TCF20: variants seen among roughly 807,000 people sequenced by gnomAD.
TCF20 encodes the protein SPRE-binding protein.
In TCF20, 3 loss-of-function variants were observed where a neutral mutation model predicts 148.6. The ratio of observed to expected loss-of-function variants is 0.02; its 90% CI spans 0.01 to 0.05. TCF20 has a LOEUF of 0.05. Ranked by LOEUF, TCF20 falls within the 10% of genes least tolerant of loss-of-function variation. The pLI is 1.00. For synonymous variants in TCF20, 1,049 were observed against 909.5 expected, an observed-to-expected ratio of 1.15 and a Z score of -2.76; for missense variants, 2,350 against 2,429.3, an observed-to-expected ratio of 0.97 and a Z score of 0.69.
chr22:42,272,274 G>A (rs1940832625), upstream of TCF20, among the ~76,000 whole-genome samples: 1 of 152,204 alleles, frequency 6.6e-6, no homozygotes, highest in South Asian at 2.1e-4. Context: ...TGGGATCAGG[G>A]CTGTAAAGGG....
chr22:42,328,895 C>T (rs1354257378), intron 1 of TCF20, among the ~76,000 whole-genome samples: 1 of 152,226 alleles, frequency 6.6e-6, no homozygotes, highest in Non-Finnish European at 1.5e-5. Context: ...CCACAAGCAT[C>T]CTGGTGCTCT....
At chr22:42,194,620 T>C (rs1013771020) in intron 2 of TCF20, among the ~76,000 whole-genome samples, 4 of 151,492 alleles carry the variant, frequency 2.6e-5, no homozygotes, top group Admixed American at 6.6e-5. Context: ...GGGGTAGCGG[T>C]AGATGGTGTT....
chr22:42,177,927 TG>T (rs753045414), intron 3 of TCF20, among the ~76,000 whole-genome samples: 1 of 152,114 alleles, frequency 6.6e-6, no homozygotes, highest in Non-Finnish European at 1.5e-5. Flanking sequence ...GGTTCCTGGA[TG>T]GGGGCTGGGC....
intron 2 of TCF20, among the ~76,000 whole-genome samples, chr22:42,194,938 C>G (rs1937517285): frequency 1.3e-5 from 2 of 151,614 alleles, no homozygotes; most frequent in South Asian, 4.2e-4. Flanking sequence ...GACCATGCCT[C>G]CCAGCACTTA....
chr22:42,333,138 T>C (rs772939789), intron 1 of TCF20, among the ~76,000 whole-genome samples: 1 of 152,296 alleles, frequency 6.6e-6, no homozygotes, highest in South Asian at 2.1e-4. Flanking sequence ...CAAAATGCAA[T>C]GGCAGGAGCT....
chr22:42,199,952 G>C (rs1173483606), intron 2 of TCF20, among the ~76,000 whole-genome samples: 1 of 83,656 alleles, frequency 1.2e-5, no homozygotes, highest in African/African-American at 5.6e-5. Flanking sequence ...TATCTTTTTG[G>C]GATTCTCTGG....
chr22:42,191,709 C>T (rs575105348), intron 2 of TCF20, among the ~76,000 whole-genome samples: 19 of 152,146 alleles, frequency 1.2e-4, no homozygotes, highest in Non-Finnish European at 2.4e-4. Context: ...TTTTGTCTAA[C>T]GGAGTTTTTC....
Position 42,214,142 on chromosome 22 carries a change from A to T in TCF20, c.1164T>A (p.Pro388=), listed in dbSNP as rs1336438116. 2 of 1,614,152 alleles carry T rather than the reference A, an allele frequency of 1.2e-6. No individual in the cohort carries two copies. Among genetic ancestry groups the T allele is most frequent in the Non-Finnish European group, 1.7e-6 (2 of 1,180,028 alleles). The change falls in exon 2 of 6, where the codon CCT becomes CCA. Residue 388 remains proline (P), a synonymous_variant. Coordinates refer to ENST00000677622, the MANE Select transcript of TCF20 (RefSeq NM_001378418.1). ...GGAGATTCTCCCCAGTCTGCATGAG[A>T]GGAGATGGGGTAGAACTACAGCTTG... The part of the protein sequence containing the change: ...QSPSCSSTPS[P]LMQTGENLQC...
intron 1 of TCF20, among the ~76,000 whole-genome samples, chr22:42,342,969 C>T (rs1928194210): frequency 6.6e-6 from 1 of 152,210 alleles, no homozygotes; most frequent in African/African-American, 2.4e-5. Flanking sequence ...CCAAAGCACA[C>T]ACTCTTAAGG....
chr22:42,217,455 CAA>C (rs1921927865), intron 1 of TCF20, among the ~76,000 whole-genome samples: 3 of 152,198 alleles, frequency 2.0e-5, no homozygotes, highest in Admixed American at 2.0e-4. Flanking sequence ...ATACTTACTC[CAA>C]ACAGACACAT....
intron 2 of TCF20, among the ~76,000 whole-genome samples, chr22:42,207,373 C>T (rs1337507165): frequency 1.3e-5 from 2 of 150,134 alleles, no homozygotes; most frequent in Non-Finnish European, 3.0e-5. Context: ...GTTTTTTTTT[C>T]CTCTGGGAAA....
intron 2 of TCF20, among the ~76,000 whole-genome samples, chr22:42,201,542 C>T (rs541240701): frequency 5.3e-5 from 8 of 152,168 alleles, no homozygotes; most frequent in African/African-American, 1.4e-4. Flanking sequence ...CTGAGGCAGA[C>T]GGATCAGTTG....
intron 3 of TCF20, among the ~76,000 whole-genome samples, chr22:42,174,841 C>A (rs953225843): frequency 6.6e-6 from 1 of 152,036 alleles, no homozygotes; most frequent in African/African-American, 2.4e-5. Flanking sequence ...CGAGACCATC[C>A]CGGCTAACAC....
At position 42,300,491 on chromosome 22, in the gene TCF20, G is replaced by A. The variant is rs1050040829; in HGVS notation, c.-37+42988C>T. On this transcript the variant is annotated intron_variant, in intron 1 of 1. Coordinates refer to the TCF20 transcript ENST00000515426. The stretch of plus-strand genomic sequence containing the variant: ...CCCACTTCTGATGGTGGGCAGCAAC[G>A]CTTTTGTTTCCCAGGGGGCACTGAG... 3.3e-5 allele frequency among the ~76,000 whole-genome samples: 5 copies of A among 152,168 alleles called. No homozygotes were observed. The East Asian group carries it at 7.7e-4, about 23-fold the overall frequency.
At chr22:42,199,500 T>C (rs1937838365) in intron 2 of TCF20, among the ~76,000 whole-genome samples, 1 of 152,050 alleles carries the variant, frequency 6.6e-6, no homozygotes. Context: ...ATGTTTGACA[T>C]GTGCTCTTTC....
chr22:42,164,302 C>T (rs1303266112), intron 5 of TCF20, among the ~76,000 whole-genome samples: 1 of 148,474 alleles, frequency 6.7e-6, no homozygotes, highest in Non-Finnish European at 1.5e-5. Context: ...GCAAGCTCCA[C>T]GTCCCGGGTT....
intron 1 of TCF20, among the ~76,000 whole-genome samples, chr22:42,246,914 C>T (rs1194218206): frequency 2.7e-5 from 4 of 148,738 alleles, no homozygotes; most frequent in African/African-American, 7.5e-5. Flanking sequence ...TGCAGTGAGC[C>T]GAGATTGCGC....
At chr22:42,179,070 G>A (rs569960323) in intron 3 of TCF20, among the ~76,000 whole-genome samples, 3 of 150,168 alleles carry the variant, frequency 2.0e-5, no homozygotes, top group Non-Finnish European at 4.4e-5. Flanking sequence ...ACATATGACA[G>A]CAAGTGTCAG....
In TCF20 at chr22:42,210,889, C is replaced by G; in HGVS notation, c.4417G>C (p.Gly1473Arg). 6.2e-7 allele frequency: 1 copy of G among 1,614,162 alleles called. No individual in the cohort carries two copies. Among genetic ancestry groups the G allele is most frequent in the Middle Eastern group, 1.6e-4 (1 of 6,062 alleles). ...CCATCTGGTCTCCCTTGGTTACTAC[C>G]AGGCTTCTGTGAGGTTGTGGATGTC... is the stretch of plus-strand genomic sequence containing the variant. ...AMTSTTSQKP[G>R]SNQGRPDGSL... is the part of the protein sequence containing the mutation. Residue 1473 changes from glycine to arginine, a missense_variant, in exon 2 of 6, where the codon GGT becomes CGT. This residue lies in a region of TCF20 where 231 missense variants were observed against 213.7 expected (regional missense o/e 1.08). Transcript: ENST00000677622. This position sits in a 1 kb window ranked among gnomAD's most constrained non-coding sequence, Gnocchi z 4.7.
Sources: gnomAD v4.1 joint callset for allele counts (sites outside exome capture counted in the v4.1 genomes callset) on GRCh38, gnomAD v4.1.1 for gene constraint, gnomAD v4.1.1 regional missense constraint, Gnocchi (gnomAD v3.1) non-coding constraint, MANE v1.5 for transcripts, NCBI Gene and HGNC (gene_info 2026-07-23, HGNC 2026-07-21) for gene names.